The following SOX6 variants were observed in gnomAD, a reference collection of about 807,000 sequenced individuals.
SOX6 encodes the protein SRY-box transcription factor 6, also known as transcription factor SOX-6.
A neutral mutation model predicts 97.8 loss-of-function variants in SOX6; 11 were observed. The ratio of observed to expected loss-of-function variants is 0.11; its 90% CI spans 0.07 to 0.19. SOX6 has a LOEUF of 0.19. Ranked by LOEUF, SOX6 falls within the 10% of genes least tolerant of loss-of-function variation. SOX6 has a pLI of 1.00. For missense variants in SOX6, 810 were observed against 1,039.5 expected (o/e 0.78, Z 3.04); for synonymous variants, 360 against 371.4 (o/e 0.97, Z 0.35).
chr11:16,349,739 G>GAAGGAAGGAAGGAAGGAAGGAAGGAAA (rs1856882927), intron 1 of SOX6, among the ~76,000 whole-genome samples: 2 of 131,040 alleles, frequency 1.5e-5, no homozygotes, highest in African/African-American at 2.7e-5. Context: ...AAGGAAGGAA[G>GAAGGAAGGAAGGAAGGAAGGAAGGAAA]GAAGGAAGGA....
intron 1 of SOX6, among the ~76,000 whole-genome samples, chr11:16,386,915 A>G (rs545522578): frequency 6.6e-6 from 1 of 152,302 alleles, no homozygotes; most frequent in African/African-American, 2.4e-5. Flanking sequence ...TTGGTACTCA[A>G]TGGATTTAGG....
Position 16,449,277 on chromosome 11 carries a change from C to CTTTTTTTTTTTT in SOX6, c.-5+27026_-5+27037dup, listed in dbSNP as rs10611823. ...AGTGTAAAATTATAAAATGCTCCTTCTTTTTTTTTTTTTTTTTTTTTTTTT... is the reference window on the plus strand; with the variant it reads ...AGTGTAAAATTATAAAATGCTCCTTCTTTTTTTTTTTTTTTTTTTTTTTTTTTTTTTTTTTTT... On this transcript the variant is annotated intron_variant, in intron 1 of 15. Coordinates refer to the SOX6 transcript ENST00000396356. Among the ~76,000 whole-genome samples the CTTTTTTTTTTTT allele has an allele frequency of 2.7e-4, 17 of 62,938 alleles. 2 individuals are homozygous for CTTTTTTTTTTTT. The highest frequency in any genetic ancestry group is 1.0e-3 in the African/African-American group (14 of 13,958). The allele number at this position is 62,938 out of a possible 152,430, so 41.3% of individuals were successfully genotyped here.
intron 1 of SOX6, among the ~76,000 whole-genome samples, chr11:16,439,527 CTAAAGAATACTAT>C (rs1859461104): frequency 6.6e-6 from 1 of 152,124 alleles, no homozygotes; most frequent in Non-Finnish European, 1.5e-5. Flanking sequence ...TGTAATTCCT[CTAAAGAATACTAT>C]ATAGACCTTC....
intron 3 of SOX6, among the ~76,000 whole-genome samples, chr11:16,274,500 ATTCT>A (rs1456580287): frequency 2.6e-5 from 4 of 152,060 alleles, no homozygotes; most frequent in South Asian, 2.1e-4. Flanking sequence ...TTCTGTATTG[ATTCT>A]TTCTCAAAAG....
chr11:16,016,589 CA>C (rs1854892429), intron 12 of SOX6, among the ~76,000 whole-genome samples: 1 of 152,002 alleles, frequency 6.6e-6, no homozygotes, highest in African/African-American at 2.4e-5. Context: ...CAGGACACAA[CA>C]AAAAGCAACT....
Position 16,111,207 on chromosome 11 carries a change from A to C in SOX6, c.898+596T>G, listed in dbSNP as rs1278839218. Among the ~76,000 whole-genome samples the C allele has an allele frequency of 6.6e-5, 10 of 152,346 alleles. No homozygotes were observed. The East Asian group carries it at 1.9e-3, about 29-fold the overall frequency. Reference sequence around the variant, plus strand: ...CCAGGAGTCCAGTAAACTCCGAGGAAAAAAGAAAAATCACAACATTTGCTA... The same window carrying C: ...CCAGGAGTCCAGTAAACTCCGAGGACAAAAGAAAAATCACAACATTTGCTA... On this transcript the variant is annotated intron_variant, in intron 7 of 15. Transcript: ENST00000683767.
At chr11:16,076,202 C>T (rs570089967) in intron 9 of SOX6, among the ~76,000 whole-genome samples, 1 of 152,022 alleles carries the variant, frequency 6.6e-6, no homozygotes, top group African/African-American at 2.4e-5. Flanking sequence ...TAGTTCCTGG[C>T]AAAGATTTAA....
At chr11:16,618,458 TA>T (rs1251739735) in intron 3 of SOX6, among the ~76,000 whole-genome samples, 1 of 151,868 alleles carries the variant, frequency 6.6e-6, no homozygotes, top group Non-Finnish European at 1.5e-5. Context: ...AGTGAATGAA[TA>T]CTATGTGAGT....
chr11:16,177,477 A>C (rs1851224765), intron 6 of SOX6, among the ~76,000 whole-genome samples: 1 of 151,972 alleles, frequency 6.6e-6, no homozygotes, highest in African/African-American at 2.4e-5. Flanking sequence ...TCAAAAGGAA[A>C]CTTCATATTA....
At chr11:16,219,417 C>T (rs747068148) in intron 4 of SOX6, among the ~76,000 whole-genome samples, 5 of 152,012 alleles carry the variant, frequency 3.3e-5, no homozygotes, top group Non-Finnish European at 5.9e-5. Flanking sequence ...TAGAAGTTTA[C>T]TAGCAGAGTA....
At chr11:16,413,464 C>T (rs1298235814) in intron 1 of SOX6, among the ~76,000 whole-genome samples, 3 of 150,570 alleles carry the variant, frequency 2.0e-5, no homozygotes, top group Non-Finnish European at 4.4e-5. Context: ...ATGAGGATCC[C>T]ATATAACTTA....
chr11:16,118,791 T>C (rs1380618498), intron 6 of SOX6, among the ~76,000 whole-genome samples: 3 of 152,236 alleles, frequency 2.0e-5, no homozygotes, highest in Non-Finnish European at 4.4e-5. Flanking sequence ...AGTATTTGTA[T>C]TGAAAATCAT....
chr11:16,548,088 A>G (rs1328644189), intron 4 of SOX6, among the ~76,000 whole-genome samples: 1 of 152,212 alleles, frequency 6.6e-6, no homozygotes, highest in Admixed American at 6.5e-5. Flanking sequence ...ACTCTTCATT[A>G]GAAGATATGC....
intron 3 of SOX6, among the ~76,000 whole-genome samples, chr11:16,259,720 T>C (rs922600167): frequency 5.3e-5 from 8 of 152,128 alleles, no homozygotes; most frequent in African/African-American, 1.9e-4. Flanking sequence ...ACAAAATTAA[T>C]CTATGGTAAT....
At chr11:16,106,904 C>T (rs1223572985) in intron 7 of SOX6, among the ~76,000 whole-genome samples, 6 of 151,718 alleles carry the variant, frequency 4.0e-5, no homozygotes, top group African/African-American at 1.5e-4. Context: ...CAACAAAAGC[C>T]CAACTCAAAA....
chr11:16,719,457 C>A (rs1037173675), intron 2 of SOX6, among the ~76,000 whole-genome samples: 2 of 152,150 alleles, frequency 1.3e-5, no homozygotes, highest in Non-Finnish European at 2.9e-5. Flanking sequence ...TGAAAGAAAA[C>A]CCAGTTATCA....
Position 16,341,158 on chromosome 11 carries a change from C to T in SOX6, c.91G>A (p.Glu31Lys). The part of the protein sequence containing the change: ...TQDLTSREKE[E>K]GSDQHVASHL... ...GAGGCCACATGTTGATCACTGCCCT[C>T]TTCCTTTTCCCTTGAGGTTAAATCC... Residue 31 changes from glutamate to lysine, a missense_variant, in exon 2 of 16, where the codon GAG becomes AAG. By Grantham distance (56) the Glu-to-Lys change is moderately conservative (BLOSUM62 1). Around this residue, in one of 9 missense-constraint regions of SOX6, gnomAD observed 100 missense variants for 94.6 expected, o/e 1.06. Transcript: ENST00000683767. 1 of 1,613,480 alleles carries T rather than the reference C, an allele frequency of 6.2e-7. No homozygotes were observed. The highest frequency in any genetic ancestry group is 8.5e-7 in the Non-Finnish European group (1 of 1,179,596).
At chr11:16,050,052 T>C (rs1032898638) in intron 10 of SOX6, 114 bp from the exon 11 acceptor site, 2 of 1,092,610 alleles carry the variant, frequency 1.8e-6, no homozygotes, top group African/African-American at 3.1e-5. Flanking sequence ...TCTCCTACAA[T>C]AATAACAAAA....
chr11:16,342,143 C>A (rs1040753087), intron 1 of SOX6, among the ~76,000 whole-genome samples: 4 of 151,930 alleles, frequency 2.6e-5, no homozygotes, highest in African/African-American at 9.7e-5. Context: ...CGCTACATGA[C>A]AACGTCTCCA....
Sources: allele counts gnomAD v4.1 joint callset (sites outside exome capture counted in the v4.1 genomes callset), GRCh38; gene constraint gnomAD v4.1.1; regional missense constraint gnomAD v4.1.1; transcripts MANE v1.5; gene names NCBI Gene and HGNC (gene_info 2026-07-23, HGNC 2026-07-21).